The following ING3 variants were observed in gnomAD, a reference collection of about 807,000 sequenced individuals.
ING3 encodes the protein inhibitor of growth protein 3.
Under a neutral mutation model 64.8 loss-of-function variants are expected in ING3, and 6 were observed. The observed-to-expected ratio is 0.09, with a 90% CI of 0.05 to 0.18. ING3 has a LOEUF of 0.18. Among genes scored for constraint, ING3 ranks in the 10% least tolerant of loss-of-function variants. The pLI is 1.00. For synonymous variants in ING3, 170 were observed against 173.7 expected (o/e 0.98, Z 0.17); for missense variants, 310 against 489.7 (o/e 0.63, Z 3.46).
At chr7:120,953,830 A>G (rs1795803823) in intron 3 of ING3, among the ~76,000 whole-genome samples, 1 of 152,220 alleles carries the variant, frequency 6.6e-6, no homozygotes, top group Admixed American at 6.5e-5. Flanking sequence ...GGAATTTAAG[A>G]AAGCCTTCTA....
At chr7:120,954,617 A>C (rs1795817861) in intron 3 of ING3, among the ~76,000 whole-genome samples, 1 of 152,168 alleles carries the variant, frequency 6.6e-6, no homozygotes, top group Non-Finnish European at 1.5e-5. Flanking sequence ...TGTGTTTGTG[A>C]GTAAAGACAT....
chr7:120,954,154 G>C (rs1183917968), intron 3 of ING3, among the ~76,000 whole-genome samples: 1 of 152,140 alleles, frequency 6.6e-6, no homozygotes, highest in Non-Finnish European at 1.5e-5. Flanking sequence ...GGCCTGGCGT[G>C]GTGGCTCACA....
rs1345048561 is a variant in ING3 at position 120,951,007 on chromosome 7, G to C, written c.28+83G>C. ...GAGTGGACGGGCAGCGAGATGGCGG[G>C]AGGGAGGGGGCGGCGGGGGATGTTT... On this transcript the variant is annotated intron_variant, in intron 1 of 11. Transcript: ENST00000315870. 3.6e-6 allele frequency: 5 copies of C among 1,402,582 alleles called. No individual in the cohort carries two copies. The Middle Eastern group carries it at 6.0e-4, about 168-fold the overall frequency. The allele number at this position is 1,402,582 out of a possible 1,614,324, so 86.9% of individuals were successfully genotyped here.
Position 120,974,809 on chromosome 7 carries a change from G to T in ING3, c.1222G>T (p.Ala408Ser). ...CAAATGGTACTGTCCACAGTGCACT[G>T]CTGCAATGAAGAGAAGAGGCAGCAG... ...KGKWYCPQCT[A>S]AMKRRGSRHK is the part of the protein sequence containing the mutation. The change falls in exon 12 of 12, where the codon GCT becomes TCT. Residue 408 changes from alanine to serine, a missense_variant. Coordinates refer to ENST00000315870, the MANE Select transcript of ING3 (RefSeq NM_019071.3). The T allele has an allele frequency of 6.2e-7, 1 of 1,612,288 alleles. No individual in the cohort carries two copies. The highest frequency in any genetic ancestry group is 8.5e-7 in the Non-Finnish European group (1 of 1,178,736).
At chr7:120,951,012 A>C in intron 1 of ING3, 88 bp downstream of exon 1, 13 of 607,312 alleles carry the variant, frequency 2.1e-5, no homozygotes, top group African/African-American at 4.0e-5. Flanking sequence ...GGCGGGAGGG[A>C]GGGGGCGGCG....
Position 120,973,252 on chromosome 7 carries a change from T to C in ING3, c.1140+9T>C. On this transcript the variant is annotated intron_variant, in intron 11 of 11. Coordinates refer to ENST00000315870, the MANE Select transcript of ING3 (RefSeq NM_019071.3). ...GATGTGATAACCAAGATGTAAGTATTACATTTTTCTATTTAGGAATGAAAA... is the reference window on the plus strand; with the variant it reads ...GATGTGATAACCAAGATGTAAGTATCACATTTTTCTATTTAGGAATGAAAA... The C allele has an allele frequency of 6.6e-7, 1 of 1,503,764 alleles. No homozygotes were observed. Among genetic ancestry groups the C allele is most frequent in the Non-Finnish European group, 9.2e-7 (1 of 1,084,754 alleles). The allele number at this position is 1,503,764 out of a possible 1,614,324, so 93.2% of individuals were successfully genotyped here.
intron 4 of ING3, among the ~76,000 whole-genome samples, chr7:120,959,600 G>A (rs898854497): frequency 1.4e-4 from 19 of 139,286 alleles, no homozygotes; most frequent in African/African-American, 4.8e-4. Flanking sequence ...GGCACTGAAA[G>A]TCACCCTATA....
chr7:120,955,619 G>T lies in ING3; in HGVS notation c.262G>T (p.Asp88Tyr). The T allele has an allele frequency of 6.3e-7, 1 of 1,599,170 alleles. No homozygotes were observed. Among genetic ancestry groups the T allele is most frequent in the South Asian group, 1.1e-5 (1 of 90,728 alleles). Residue 88 changes from aspartate (D) to tyrosine (Y), a missense_variant, in exon 4 of 12, where the codon GAC becomes TAC. Physicochemically the swap from Asp to Tyr is radical, Grantham distance 160 (BLOSUM62 -3). Coordinates refer to ENST00000315870, the MANE Select transcript of ING3 (RefSeq NM_019071.3). ...GGTTCAGTTGGCAAACCAGATATAT[G>T]ACTTGGTAAGTAAAAGTAATGTGCA... ...EKVQLANQIY[D>Y]LVDRHLRKLD... is the part of the protein sequence containing the mutation.
At chr7:120,954,817 A>G (rs1052781019) in intron 3 of ING3, among the ~76,000 whole-genome samples, 5 of 152,222 alleles carry the variant, frequency 3.3e-5, no homozygotes, top group African/African-American at 7.2e-5. Flanking sequence ...ATATATACCT[A>G]ATTTAAAGTG....
At chr7:120,958,718 TTTTC>T (rs1562973682) in intron 4 of ING3, among the ~76,000 whole-genome samples, 2 of 152,260 alleles carry the variant, frequency 1.3e-5, no homozygotes. Flanking sequence ...CTTTAGCCTC[TTTTC>T]TTTCTATTGG....
chr7:120,962,414 C>T (rs181254988), intron 4 of ING3, among the ~76,000 whole-genome samples: 1 of 150,204 alleles, frequency 6.7e-6, no homozygotes, highest in Admixed American at 6.7e-5. Flanking sequence ...AGTTATTAAC[C>T]CTTTAGGTTC....
intron 4 of ING3, chr7:120,955,893 A>T (rs1034006495): frequency 1.8e-6 from 1 of 567,702 alleles, no homozygotes. Flanking sequence ...TTAAACAAGA[A>T]TTAATGTTTA....
chr7:120,956,124 A>C (rs1336796008), intron 4 of ING3: 1 of 1,438,996 alleles, frequency 6.9e-7, no homozygotes, highest in African/African-American at 1.4e-5. Context: ...AAGCAATACA[A>C]GATGACAAAC....
intron 3 of ING3, among the ~76,000 whole-genome samples, chr7:120,955,009 A>T (rs1421478149): frequency 6.6e-6 from 1 of 152,154 alleles, no homozygotes; most frequent in Non-Finnish European, 1.5e-5. Context: ...TTACAATGGC[A>T]TTTACTTTTA....
rs767834668 is a variant in ING3, at chr7:120,964,815, G to A, written c.341G>A (p.Gly114Glu). ...ATGGAGCTGGAAGCTGATAATGCTG[G>A]AATTACAGAAATATTAGAGAGGCGT... ...FKMELEADNA[G>E]ITEILERRSL... The change falls in exon 5 of 12, where the codon GGA becomes GAA. Residue 114 changes from glycine (G) to glutamate (E), a missense_variant. Around this residue, in one of 3 missense-constraint regions of ING3, gnomAD observed 233 missense variants for 289.4 expected, o/e 0.81. Coordinates refer to ENST00000315870, the MANE Select transcript of ING3 (RefSeq NM_019071.3). The A allele has an allele frequency of 6.2e-7, 1 of 1,613,204 alleles. No individual in the cohort carries two copies. The highest frequency in any genetic ancestry group is 8.5e-7 in the Non-Finnish European group (1 of 1,179,412).
intron 8 of ING3, 35 bp from the exon 9 acceptor site, chr7:120,968,976 C>T: frequency 1.6e-6 from 2 of 1,282,052 alleles, no homozygotes; most frequent in Non-Finnish European, 2.2e-6. Context: ...TACATATTTA[C>T]ATATATTGAT....
At chr7:120,957,860 C>T (rs754722677) in intron 4 of ING3, among the ~76,000 whole-genome samples, 11 of 152,200 alleles carry the variant, frequency 7.2e-5, no homozygotes, top group Non-Finnish European at 1.3e-4. Context: ...TTCACTGACA[C>T]CATGACTTTG....
chr7:120,971,282 G>A (rs1796066788), intron 10 of ING3, among the ~76,000 whole-genome samples: 1 of 152,150 alleles, frequency 6.6e-6, no homozygotes, highest in South Asian at 2.1e-4. Context: ...GATGGAGACT[G>A]CTGCCTTCTC....
At chr7:120,967,736 A>ACCAG in intron 7 of ING3, 88 bp downstream of exon 7, 3 of 1,386,054 alleles carry the variant, frequency 2.2e-6, no homozygotes, top group South Asian at 2.8e-5. Context: ...TGAATCATAC[A>ACCAG]GTTTCTTTAC....
Sources: allele counts gnomAD v4.1 joint callset (sites outside exome capture counted in the v4.1 genomes callset), GRCh38; gene constraint gnomAD v4.1.1; regional missense constraint gnomAD v4.1.1; transcripts MANE v1.5; gene names NCBI Gene and HGNC (gene_info 2026-07-23, HGNC 2026-07-21).